The following LMBR1 variants were observed in gnomAD, a reference collection of about 807,000 sequenced individuals.
LMBR1 encodes limb region 1 protein homolog.
A neutral mutation model predicts 73.9 loss-of-function variants in LMBR1; 52 were observed. The observed-to-expected ratio is 0.70, with a 90% confidence interval of 0.56 to 0.89. LMBR1 has a LOEUF of 0.89. LMBR1 is among the 40% of genes least tolerant of loss of function. The pLI, the probability that LMBR1 is intolerant of heterozygous loss-of-function variation, is 0.00. For missense variants in LMBR1, 539 were observed against 579.8 expected (o/e 0.93, Z 0.72); for synonymous variants, 215 against 209.4 (o/e 1.03, Z -0.23).
chr7:156,779,632 A>T (rs1208936173), intron 5 of LMBR1: 13 of 1,166,330 alleles, frequency 1.1e-5, no homozygotes, highest in Non-Finnish European at 1.5e-5. Flanking sequence ...ACATCAATGA[A>T]GTGAAAATTA....
At chr7:156,712,952 C>G (rs1341328369) in intron 15 of LMBR1, among the ~76,000 whole-genome samples, 1 of 152,192 alleles carries the variant, frequency 6.6e-6, no homozygotes, top group Non-Finnish European at 1.5e-5. Flanking sequence ...GCCCTGACTA[C>G]ACCATTACAC....
chr7:156,782,695 C>A (rs1310434415), intron 5 of LMBR1, among the ~76,000 whole-genome samples: 1 of 152,172 alleles, frequency 6.6e-6, no homozygotes, highest in Middle Eastern at 3.2e-3. Flanking sequence ...CAGGCACACG[C>A]CACCATGCCC....
chr7:156,890,646 T>C (rs1802743450), intron 1 of LMBR1, among the ~76,000 whole-genome samples: 2 of 152,184 alleles, frequency 1.3e-5, no homozygotes, highest in Admixed American at 6.5e-5. Flanking sequence ...ATGAACACTA[T>C]AACACACTTG....
At position 156,680,858 on chromosome 7, in the gene LMBR1, A is replaced by G. The variant is rs1804903549; in HGVS notation, c.*3220T>C. The G allele has an allele frequency of 4.6e-6, 1 of 218,852 alleles. No individual in the cohort carries two copies. Among genetic ancestry groups the G allele is most frequent in the Non-Finnish European group, 9.0e-6 (1 of 111,358 alleles). 13.6% of individuals were successfully genotyped at this position (218,852 alleles called of 1,614,324 possible). On this transcript the variant is annotated 3_prime_UTR_variant, in exon 17 of 17. Transcript: ENST00000353442. ...AAGAACAAATAAACCCCACATATAA[A>G]TGCTTATAAACCAAATATGAAATCA...
intron 15 of LMBR1, 46 bp from the exon 16 acceptor site, chr7:156,688,237 CAT>C: frequency 5.1e-6 from 7 of 1,383,868 alleles, no homozygotes; most frequent in Non-Finnish European, 6.9e-6. Context: ...CAGGTTAAGA[CAT>C]ATTTAGTGTG....
In LMBR1 at chr7:156,796,455, A is replaced by G. The variant is rs112583005; in HGVS notation, c.357T>C (p.Cys119=). The G allele has an allele frequency of 0.041, 65,899 of 1,608,686 alleles. 1,619 individuals are homozygous for G. The highest frequency in any genetic ancestry group is 0.081 in the South Asian group (7,275 of 89,374). ...AGGCAAAGGGCATCAATACAAATAA[A>G]CAAAGGTTGGAAAAAAGGGAAGCAA... ...WNLASLFSNL[C]LFVLMPFAFF... Residue 119 remains cysteine, a synonymous_variant, in exon 5 of 17, where the codon TGT becomes TGC. Transcript: ENST00000353442.
chr7:156,826,817 C>T, intron 3 of LMBR1, 73 bp from the exon 4 acceptor site: 1 of 1,366,362 alleles, frequency 7.3e-7, no homozygotes. Context: ...AAAAAGAATG[C>T]AAACTCTTTA....
chr7:156,836,678 A>C, intron 2 of LMBR1, 135 bp downstream of exon 2: 1 of 527,996 alleles, frequency 1.9e-6, no homozygotes, highest in Non-Finnish European at 3.3e-6. Context: ...GTCTCCTAGT[A>C]CCAGACAACT....
intron 9 of LMBR1, among the ~76,000 whole-genome samples, chr7:156,753,730 G>C (rs1821321946): frequency 1.3e-5 from 2 of 152,090 alleles, no homozygotes; most frequent in Admixed American, 6.5e-5. Flanking sequence ...GCAGACGGCA[G>C]AGGGGAGGCT....
intron 4 of LMBR1, among the ~76,000 whole-genome samples, chr7:156,816,709 A>G (rs1412229811): frequency 6.6e-6 from 1 of 152,218 alleles, no homozygotes; most frequent in African/African-American, 2.4e-5. Flanking sequence ...CATCTAATAC[A>G]TAGACATAAT....
At chr7:156,840,891 G>A (rs1470806235) in intron 1 of LMBR1, among the ~76,000 whole-genome samples, 2 of 150,610 alleles carry the variant, frequency 1.3e-5, no homozygotes, top group African/African-American at 4.9e-5. Flanking sequence ...CGTGAACCTG[G>A]GAGGCAGAGG....
intron 15 of LMBR1, among the ~76,000 whole-genome samples, chr7:156,699,164 G>T (rs974284914): frequency 6.6e-6 from 1 of 150,454 alleles, no homozygotes; most frequent in Non-Finnish European, 1.5e-5. Context: ...CAAGAACAAG[G>T]CTACAGTAAC....
At chr7:156,873,820 C>G (rs1016806234) in intron 1 of LMBR1, among the ~76,000 whole-genome samples, 1 of 151,920 alleles carries the variant, frequency 6.6e-6, no homozygotes, top group African/African-American at 2.4e-5. Context: ...TACAGAGTGT[C>G]GATTGGTGCA....
intron 5 of LMBR1, among the ~76,000 whole-genome samples, chr7:156,777,547 G>A (rs1179733632): frequency 6.6e-6 from 1 of 152,172 alleles, no homozygotes; most frequent in African/African-American, 2.4e-5. Flanking sequence ...GCCAGTTCCT[G>A]AGCATCAACC....
At chr7:156,809,194 T>C (rs971389675) in intron 4 of LMBR1, among the ~76,000 whole-genome samples, 3 of 152,218 alleles carry the variant, frequency 2.0e-5, no homozygotes, top group African/African-American at 4.8e-5. Flanking sequence ...ACCCACCTCC[T>C]ACCACATGAA....
intron 4 of LMBR1, among the ~76,000 whole-genome samples, chr7:156,819,600 T>G (rs1834438396): frequency 6.6e-6 from 1 of 152,158 alleles, no homozygotes; most frequent in Non-Finnish European, 1.5e-5. Flanking sequence ...GTCACAAAAC[T>G]GTAAATGACA....
intron 1 of LMBR1, among the ~76,000 whole-genome samples, chr7:156,846,825 C>T (rs965279949): frequency 1.3e-5 from 2 of 152,012 alleles, no homozygotes; most frequent in South Asian, 2.1e-4. Flanking sequence ...CAGCTAGAAA[C>T]GAGTATCTTG....
At chr7:156,709,248 C>A (rs1278943114) in intron 15 of LMBR1, among the ~76,000 whole-genome samples, 2 of 152,232 alleles carry the variant, frequency 1.3e-5, no homozygotes, top group Admixed American at 1.3e-4. Context: ...AACTGGCCAA[C>A]CACATCAGGC....
chr7:156,787,806 T>G, intron 5 of LMBR1, among the ~76,000 whole-genome samples: 1 of 152,220 alleles, frequency 6.6e-6, no homozygotes, highest in Non-Finnish European at 1.5e-5. Context: ...AGACGGAGTC[T>G]CGCTCTGTCG....
Sources: allele counts gnomAD v4.1 joint callset (sites outside exome capture counted in the v4.1 genomes callset), GRCh38; gene constraint gnomAD v4.1.1; transcripts MANE v1.5; gene names NCBI Gene and HGNC (gene_info 2026-07-23, HGNC 2026-07-21).